Variants in RSAD2 observed in about 807,000 individuals in gnomAD.
RSAD2 encodes the protein S-adenosylmethionine-dependent nucleotide dehydratase RSAD2.
RSAD2 carries 38 observed loss-of-function variants against 37.7 expected under a neutral mutation model. The ratio of observed to expected loss-of-function variants is 1.01; its 90% CI spans 0.78 to 1.32. The LOEUF (loss-of-function observed/expected upper bound fraction) is 1.32. RSAD2 is among the 40% of genes most tolerant of loss of function. RSAD2 has a pLI of 0.00. For missense variants in RSAD2, 428 were observed against 437.5 expected (o/e 0.98, Z 0.19); for synonymous variants, 163 against 157.4 (o/e 1.04, Z -0.27).
intron 1 of RSAD2, chr2:6,878,776 A>T: frequency 8.7e-7 from 1 of 1,149,932 alleles, no homozygotes; most frequent in Non-Finnish European, 1.1e-6. Context: ...CTTCCACTCC[A>T]GATCTGTTCT....
upstream of RSAD2, chr2:6,877,700 T>C (rs895073726): frequency 2.4e-6 from 2 of 842,132 alleles, no homozygotes; most frequent in Admixed American, 2.8e-5. Context: ...AGGTGTGTCC[T>C]GCTCCCCAAT....
chr2:6,865,954 C>T (rs973965996), exon 1 of RSAD2: 1 of 1,247,356 alleles, frequency 8.0e-7, no homozygotes, highest in African/African-American at 1.6e-5. Flanking sequence ...GGCCCCGGGG[C>T]CCCAGGTGCG....
At chr2:6,875,682 GA>G (rs893575587), upstream of RSAD2, among the ~76,000 whole-genome samples, 2 of 152,186 alleles carry the variant, frequency 1.3e-5, no homozygotes, top group African/African-American at 4.8e-5. Context: ...CTCACCAGGA[GA>G]TTTGGCCATG....
intron 1 of RSAD2, chr2:6,866,728 A>G (rs1254053583): frequency 1.3e-5 from 2 of 152,238 alleles, no homozygotes; most frequent in East Asian, 1.9e-4. Flanking sequence ...CAAGCAAACC[A>G]AAAACAAACA....
chr2:6,881,876 C>T (rs562428722), intron 1 of RSAD2, among the ~76,000 whole-genome samples: 1 of 151,916 alleles, frequency 6.6e-6, no homozygotes, highest in East Asian at 1.9e-4. Flanking sequence ...AGACCCCATC[C>T]TCCTAAAATG....
At chr2:6,867,819 A>G (rs1362743846) in intron 1 of RSAD2, among the ~76,000 whole-genome samples, 2 of 152,182 alleles carry the variant, frequency 1.3e-5, no homozygotes, top group Non-Finnish European at 2.9e-5. Flanking sequence ...TCTATTTTTC[A>G]CCTACCTTCG....
chr2:6,876,646 G>A (rs1450695889), upstream of RSAD2: 2 of 152,210 alleles, frequency 1.3e-5, no homozygotes, highest in Non-Finnish European at 2.9e-5. Context: ...CAATTTTGCA[G>A]ATGTTAAATG....
chr2:6,866,350 C>G, intron 1 of RSAD2: 1 of 817,762 alleles, frequency 1.2e-6, no homozygotes, highest in Non-Finnish European at 1.5e-6. Flanking sequence ...GCAGTTCTGG[C>G]TCTTCCCTCT....
intron 1 of RSAD2, among the ~76,000 whole-genome samples, chr2:6,879,214 A>C (rs1053239989): frequency 3.3e-5 from 5 of 152,172 alleles, no homozygotes; most frequent in African/African-American, 1.2e-4. Flanking sequence ...TCCCATTCCC[A>C]GTGTGGCTTA....
intron 1 of RSAD2, among the ~76,000 whole-genome samples, chr2:6,882,263 A>G (rs1230901381): frequency 5.9e-5 from 9 of 152,164 alleles, no homozygotes; most frequent in Admixed American, 5.2e-4. Context: ...GTATGTAGGA[A>G]GAAGAAAACG....
chr2:6,890,000 A>G (rs1663598469), intron 3 of RSAD2, among the ~76,000 whole-genome samples, 176 bp from the exon 4 acceptor site: 1 of 152,202 alleles, frequency 6.6e-6, no homozygotes, highest in Non-Finnish European at 1.5e-5. Context: ...CTGACACCAT[A>G]TTCCTAAATT....
rs771420018 is a variant in RSAD2 at position 6,895,782 on chromosome 2, G to A, written c.926G>A (p.Arg309His). 17 of 1,610,892 alleles carry A rather than the reference G, an allele frequency of 1.1e-5. No homozygotes were observed. Among genetic ancestry groups the A allele is most frequent in the East Asian group, 2.2e-5 (1 of 44,854 alleles). ...TTTCTGTTATGAATTTTCTAGATGCGCTTTCTGAACTGTAGAAAGGGACGG... is the reference window on the plus strand; with the variant it reads ...TTTCTGTTATGAATTTTCTAGATGCACTTTCTGAACTGTAGAAAGGGACGG... Reference protein sequence around the residue: ...DSYLILDEYMRFLNCRKGRKD... With the variant: ...DSYLILDEYMHFLNCRKGRKD... The change falls in exon 6 of 6, where the codon CGC (arginine) becomes CAC (histidine). Residue 309 changes from arginine (R) to histidine (H), a missense_variant. Transcript: ENST00000382040.
At position 6,897,705 on chromosome 2, in the gene RSAD2, C is replaced by T. The variant is rs969560938; in HGVS notation, c.*1763C>T. The T allele has an allele frequency of 6.6e-6, 1 of 152,064 alleles. No individual in the cohort carries two copies. The highest frequency in any genetic ancestry group is 2.4e-5 in the African/African-American group (1 of 41,392). The allele number at this position is 152,064 out of a possible 1,614,324, so 9.4% of individuals were successfully genotyped here. A position where few individuals can be genotyped will look rare whatever the true frequency, so the allele number is the denominator to read the frequency against. On this transcript the variant is annotated 3_prime_UTR_variant, in exon 6 of 6. Transcript: ENST00000382040. Reference sequence around the variant, plus strand: ...ACAAATTTTTTACTTAACATGAGTGCACTTTACTAATCCTCATGGCACAGT... The same window carrying T: ...ACAAATTTTTTACTTAACATGAGTGTACTTTACTAATCCTCATGGCACAGT...
At chr2:6,879,099 T>C (rs943920876) in intron 1 of RSAD2, 4 of 455,912 alleles carry the variant, frequency 8.8e-6, no homozygotes, top group Admixed American at 7.1e-5. Flanking sequence ...CTGTACTTTA[T>C]ATAAATGAAA....
chr2:6,878,061 C>A lies in RSAD2; in HGVS notation c.261C>A (p.Cys87Ter), dbSNP rs767297433. 2.5e-6 allele frequency: 4 copies of A among 1,614,184 alleles called. No homozygotes were observed. In the South Asian group the frequency reaches 4.4e-5, roughly 18 times the overall value. Reference sequence around the variant, plus strand: ...TCACTCGCCAGTGCAACTACAAATGCGGCTTCTGTTTCCACACAGCCAAAA... The same window carrying A: ...TCACTCGCCAGTGCAACTACAAATGAGGCTTCTGTTTCCACACAGCCAAAA... Reference protein sequence around the residue: ...YHFTRQCNYKCGFCFHTAKTS... With the variant: ...YHFTRQCNYK Residue 87 changes from cysteine to a stop codon, truncating the protein, a stop_gained, in exon 1 of 6, where the codon TGC becomes TGA. Transcript: ENST00000382040. LOFTEE classifies it high-confidence loss of function.
chr2:6,895,973 C>T lies in RSAD2; in HGVS notation c.*31C>T, dbSNP rs757738904. 1 of 1,602,076 alleles carries T rather than the reference C, an allele frequency of 6.2e-7. No homozygotes were observed. The highest frequency in any genetic ancestry group is 8.5e-7 in the Non-Finnish European group (1 of 1,171,780). On this transcript the variant is annotated 3_prime_UTR_variant, in exon 6 of 6. Transcript: ENST00000382040. ...AAAGTGGAACGAGACTTCAACACAC[C>T]AGTGGGAAAACTCCTAGAGTAACTG...
chr2:6,889,362 G>A (rs1265010149), intron 3 of RSAD2, among the ~76,000 whole-genome samples: 1 of 152,106 alleles, frequency 6.6e-6, no homozygotes, highest in African/African-American at 2.4e-5. Flanking sequence ...GATATCAAAA[G>A]ACCGAGAAGC....
At chr2:6,875,968 A>ACC (rs1053360742), upstream of RSAD2, among the ~76,000 whole-genome samples, 3 of 152,146 alleles carry the variant, frequency 2.0e-5, no homozygotes, top group Non-Finnish European at 4.4e-5. Context: ...TGCCTGCTCT[A>ACC]CCACCCAGGC....
intron 1 of RSAD2, among the ~76,000 whole-genome samples, chr2:6,880,997 T>A (rs1663386679): frequency 6.6e-6 from 1 of 152,136 alleles, no homozygotes; most frequent in Admixed American, 6.5e-5. Context: ...CTCATGTATG[T>A]TAACACTATT....
Sources: gnomAD v4.1 joint callset for allele counts (sites outside exome capture counted in the v4.1 genomes callset) on GRCh38, gnomAD v4.1.1 for gene constraint, MANE v1.5 for transcripts, NCBI Gene and HGNC (gene_info 2026-07-23, HGNC 2026-07-21) for gene names.